The following EHBP1 variants were observed in gnomAD, a reference collection of about 807,000 sequenced individuals.
EHBP1 encodes EH domain-binding protein 1.
Under a neutral mutation model 144.0 loss-of-function variants are expected in EHBP1, and 55 were observed. The observed-to-expected ratio is 0.38, with a 90% CI of 0.31 to 0.48. The LOEUF (loss-of-function observed/expected upper bound fraction) is 0.48, where lower values mean the gene tolerates loss of function less well. Among genes scored for constraint, EHBP1 ranks in the 20% least tolerant of loss-of-function variants. The probability of loss-of-function intolerance (pLI) is 0.98; values close to 1 mark genes in which losing one functional copy is unlikely to be tolerated. For missense variants in EHBP1, 1,200 were observed against 1,364.2 expected (o/e 0.88, Z 1.90); for synonymous variants, 469 against 472.7 (o/e 0.99, Z 0.10).
intron 1 of EHBP1, among the ~76,000 whole-genome samples, chr2:62,691,196 T>C (rs559097936): frequency 2.0e-5 from 3 of 152,342 alleles, no homozygotes; most frequent in African/African-American, 7.2e-5. Context: ...AAAATAACTT[T>C]GTCTTATATG....
At chr2:62,811,786 T>C (rs1218379984) in intron 5 of EHBP1, among the ~76,000 whole-genome samples, 1 of 152,176 alleles carries the variant, frequency 6.6e-6, no homozygotes, top group Non-Finnish European at 1.5e-5. Flanking sequence ...AAAGTGGATA[T>C]TTACAAAAAT....
chr2:62,712,551 G>A (rs2035251336), intron 2 of EHBP1, among the ~76,000 whole-genome samples: 1 of 152,212 alleles, frequency 6.6e-6, no homozygotes, highest in African/African-American at 2.4e-5. Flanking sequence ...GATAGAGTTG[G>A]ATTTGACCAG....
chr2:62,996,452 A>G (rs895531140), intron 18 of EHBP1, among the ~76,000 whole-genome samples, 191 bp from the exon 19 acceptor site: 15 of 152,112 alleles, frequency 9.9e-5, no homozygotes, highest in African/African-American at 3.4e-4. Flanking sequence ...AGATCTCTCT[A>G]TTTATAAAAG....
chr2:62,809,292 G>GA (rs985494969), intron 5 of EHBP1, among the ~76,000 whole-genome samples: 8,194 of 46,396 alleles, frequency 0.18, 824 homozygotes, highest in African/African-American at 0.32. Flanking sequence ...CTATGTCTCA[G>GA]AAAAAAAAAA....
intron 15 of EHBP1, 112 bp downstream of exon 15, chr2:62,979,447 A>G: frequency 8.5e-7 from 1 of 1,172,446 alleles, no homozygotes; most frequent in Non-Finnish European, 1.2e-6. Context: ...TAAAGCTTCT[A>G]ACCTATTGAT....
At chr2:63,031,836 A>G (rs1168288986) in intron 19 of EHBP1, among the ~76,000 whole-genome samples, 1 of 152,088 alleles carries the variant, frequency 6.6e-6, no homozygotes, top group Non-Finnish European at 1.5e-5. Flanking sequence ...GGCTGAGGCC[A>G]GAGAATCGTT....
intron 10 of EHBP1, among the ~76,000 whole-genome samples, chr2:62,889,114 A>G (rs535411568): frequency 1.8e-5 from 2 of 112,234 alleles, no homozygotes; most frequent in African/African-American, 6.9e-5. Flanking sequence ...CCCAAGCTGG[A>G]GTGCAGTGGG....
At chr2:63,013,868 G>A (rs1455787616) in intron 19 of EHBP1, among the ~76,000 whole-genome samples, 1 of 152,042 alleles carries the variant, frequency 6.6e-6, no homozygotes, top group Non-Finnish European at 1.5e-5. Context: ...AGTGAGATGA[G>A]GAAAATATGA....
chr2:62,750,010 G>A (rs527853339), intron 3 of EHBP1, among the ~76,000 whole-genome samples: 1 of 152,102 alleles, frequency 6.6e-6, no homozygotes, highest in African/African-American at 2.4e-5. Flanking sequence ...TGTCAATTTT[G>A]TCTTTTGTTG....
At chr2:62,738,457 C>T (rs1369393097) in intron 2 of EHBP1, among the ~76,000 whole-genome samples, 1 of 152,164 alleles carries the variant, frequency 6.6e-6, no homozygotes, top group African/African-American at 2.4e-5. Flanking sequence ...TATTCTTAAA[C>T]TTACCTGTTA....
intron 2 of EHBP1, among the ~76,000 whole-genome samples, chr2:62,739,935 GAA>G (rs66665657): frequency 2.9e-4 from 28 of 97,126 alleles, no homozygotes; most frequent in Middle Eastern, 4.7e-3. Flanking sequence ...GCCTGTCTCA[GAA>G]AAAAAAAAAA....
At chr2:62,767,823 A>G (rs2041311491) in intron 4 of EHBP1, among the ~76,000 whole-genome samples, 1 of 145,530 alleles carries the variant, frequency 6.9e-6, no homozygotes, top group African/African-American at 2.5e-5. Context: ...ACAGCAGAGC[A>G]AGACTCTGTC....
chr2:62,859,504 C>T (rs7557501), intron 8 of EHBP1, among the ~76,000 whole-genome samples: 95,385 of 152,096 alleles, frequency 0.63, 30,058 homozygotes, highest in South Asian at 0.69. Flanking sequence ...CTTACGTAAA[C>T]ATTTACATGG....
chr2:62,694,937 A>G (rs757980965), intron 1 of EHBP1, among the ~76,000 whole-genome samples: 3 of 152,244 alleles, frequency 2.0e-5, no homozygotes, highest in Non-Finnish European at 4.4e-5. Context: ...ATATGTAAGT[A>G]TATGTATATG....
intron 10 of EHBP1, among the ~76,000 whole-genome samples, chr2:62,891,389 T>A (rs968493823): frequency 2.6e-5 from 4 of 152,152 alleles, no homozygotes. Flanking sequence ...TTTTTTGATA[T>A]AAGTCCCAAC....
At chr2:62,878,841 T>A (rs1192681248) in intron 10 of EHBP1, among the ~76,000 whole-genome samples, 1 of 151,692 alleles carries the variant, frequency 6.6e-6, no homozygotes. Flanking sequence ...AAATTGAAAT[T>A]TCACCGTCTC....
intron 21 of EHBP1, among the ~76,000 whole-genome samples, chr2:63,041,225 T>C (rs1001466412): frequency 4.6e-5 from 7 of 152,176 alleles, no homozygotes; most frequent in Non-Finnish European, 1.0e-4. Context: ...TTTTTTACCC[T>C]TTTTCTCCTG....
chr2:62,935,640 G>C (rs1338450895), intron 10 of EHBP1, among the ~76,000 whole-genome samples: 1 of 151,808 alleles, frequency 6.6e-6, no homozygotes, highest in Non-Finnish European at 1.5e-5. Context: ...TATATTATTT[G>C]TAAATAACGT....
intron 19 of EHBP1, among the ~76,000 whole-genome samples, chr2:63,022,018 G>A (rs1447311233): frequency 6.6e-6 from 1 of 151,824 alleles, no homozygotes; most frequent in Non-Finnish European, 1.5e-5. Context: ...CGCCCACCTC[G>A]GCCTCCCAAA....
Sources: allele counts gnomAD v4.1 joint callset (sites outside exome capture counted in the v4.1 genomes callset), GRCh38; gene constraint gnomAD v4.1.1; transcripts MANE v1.5; gene names NCBI Gene and HGNC (gene_info 2026-07-23, HGNC 2026-07-21).